Variants in MACROD2 observed in about 807,000 individuals in gnomAD.
MACROD2 encodes mono-ADP ribosylhydrolase 2.
MACROD2 carries 36 observed loss-of-function variants against 70.4 expected under a neutral mutation model. That is an observed-to-expected ratio of 0.51 (90% CI 0.39 to 0.68). MACROD2 has a LOEUF of 0.68. Ranked by LOEUF, MACROD2 falls within the 30% of genes least tolerant of loss-of-function variation. The pLI is 0.00. For missense variants in MACROD2, 496 were observed against 538.4 expected (o/e 0.92, Z 0.78); for synonymous variants, 172 against 178.8 (o/e 0.96, Z 0.30).
intron 7 of MACROD2, among the ~76,000 whole-genome samples, chr20:15,449,194 T>C (rs1303653414): frequency 3.3e-5 from 5 of 152,122 alleles, no homozygotes. Flanking sequence ...TAAATACTCA[T>C]GGCATTGAAA....
Position 14,754,123 on chromosome 20 carries a change from TA to T in MACROD2, c.418+69165del, listed in dbSNP as rs1175466564. 1.2e-3 allele frequency among the ~76,000 whole-genome samples: 185 copies of T among 152,248 alleles called. 3 individuals carry two copies. The highest frequency in any genetic ancestry group is 4.3e-4 in the Non-Finnish European group (29 of 68,022). ...TTATCACTATTTAATAAATGTTTTTTATATTTCTAGTTACCATGTTGTATGC... is the reference window on the plus strand; with the variant it reads ...TTATCACTATTTAATAAATGTTTTTTTATTTCTAGTTACCATGTTGTATGC... On this transcript the variant is annotated intron_variant, in intron 5 of 17. Transcript: ENST00000684519.
intron 5 of MACROD2, among the ~76,000 whole-genome samples, chr20:14,969,158 A>T (rs1223369712): frequency 6.8e-6 from 1 of 146,782 alleles, no homozygotes; most frequent in African/African-American, 2.7e-5. Flanking sequence ...ACCTATCTCC[A>T]GTTTATATAT....
chr20:15,059,032 C>T (rs762946117), intron 5 of MACROD2, among the ~76,000 whole-genome samples: 18 of 152,080 alleles, frequency 1.2e-4, no homozygotes, highest in Non-Finnish European at 2.5e-4. Context: ...AAGAATTTCC[C>T]CAAATTTAAA....
chr20:15,998,757 G>C (rs184292329), intron 15 of MACROD2, among the ~76,000 whole-genome samples: 22 of 151,464 alleles, frequency 1.5e-4, no homozygotes, highest in Admixed American at 1.2e-3. Context: ...GTACAGATAG[G>C]GTTTCACCGT....
chr20:14,933,278 T>A (rs1164255304), intron 5 of MACROD2, among the ~76,000 whole-genome samples: 1 of 152,236 alleles, frequency 6.6e-6, no homozygotes, highest in East Asian at 1.9e-4. Context: ...GACAAGAGGA[T>A]AGGAATGGGA....
intron 8 of MACROD2, among the ~76,000 whole-genome samples, chr20:15,789,528 C>T (rs2063606134): frequency 6.6e-6 from 1 of 151,814 alleles, no homozygotes; most frequent in Non-Finnish European, 1.5e-5. Context: ...AAAATGAGTT[C>T]CCAAAAATGA....
intron 5 of MACROD2, among the ~76,000 whole-genome samples, chr20:15,051,936 A>G (rs2075445305): frequency 2.0e-5 from 3 of 152,044 alleles, no homozygotes; most frequent in Admixed American, 1.3e-4. Flanking sequence ...TGTTTTTAGT[A>G]GAGACAGGGT....
Position 14,073,190 on chromosome 20 carries a change from G to T in MACROD2, c.164-12431G>T, listed in dbSNP as rs1181769254. On this transcript the variant is annotated intron_variant, in intron 2 of 17. Transcript: ENST00000684519. The stretch of plus-strand genomic sequence containing the variant: ...ATCTCTACTAAAAATACAAAAATTA[G>T]CCAGGCATGGTGGCGCATGCCTGTA... 4.6e-5 allele frequency among the ~76,000 whole-genome samples: 7 copies of T among 151,882 alleles called. No individual in the cohort carries two copies. In the East Asian group the frequency reaches 1.2e-3, roughly 25 times the overall value.
At chr20:14,187,369 G>A (rs948255894) in intron 3 of MACROD2, among the ~76,000 whole-genome samples, 2 of 152,050 alleles carry the variant, frequency 1.3e-5, no homozygotes, top group African/African-American at 4.8e-5. Flanking sequence ...AAATTATCAA[G>A]GGTAATAATA....
intron 5 of MACROD2, among the ~76,000 whole-genome samples, chr20:15,103,931 A>T (rs1179673837): frequency 1.3e-5 from 2 of 152,086 alleles, no homozygotes; most frequent in African/African-American, 4.8e-5. Context: ...CCTGGGGCAA[A>T]GGGAGAGAAA....
At chr20:14,868,778 C>G (rs575749130) in intron 5 of MACROD2, among the ~76,000 whole-genome samples, 1 of 152,104 alleles carries the variant, frequency 6.6e-6, no homozygotes, top group Non-Finnish European at 1.5e-5. Context: ...ATCATGGTTA[C>G]AGGCAGTGTG....
At chr20:15,944,416 G>GT (rs1298476757) in intron 12 of MACROD2, among the ~76,000 whole-genome samples, 2 of 145,104 alleles carry the variant, frequency 1.4e-5, no homozygotes, top group East Asian at 2.0e-4. Context: ...TATGGAAGGG[G>GT]TTTTTTTAGG....
intron 3 of MACROD2, among the ~76,000 whole-genome samples, chr20:14,334,782 G>A (rs1295861949): frequency 7.1e-6 from 1 of 141,792 alleles, no homozygotes; most frequent in African/African-American, 2.6e-5. Context: ...GATTTAAACA[G>A]TTATTTCTAA....
chr20:14,204,773 A>G (rs2081509391), intron 3 of MACROD2, among the ~76,000 whole-genome samples: 1 of 152,212 alleles, frequency 6.6e-6, no homozygotes, highest in African/African-American at 2.4e-5. Flanking sequence ...GCTTTATTCA[A>G]AATGGGGTTA....
At chr20:14,718,900 GC>G (rs1240131787) in intron 5 of MACROD2, among the ~76,000 whole-genome samples, 1 of 152,118 alleles carries the variant, frequency 6.6e-6, no homozygotes, top group Non-Finnish European at 1.5e-5. Context: ...AGAAAAGGCA[GC>G]CTCCTGTATA....
At chr20:16,041,173 C>T (rs373385414) in intron 15 of MACROD2, 28 bp from the exon 16 acceptor site, 1 of 1,594,346 alleles carries the variant, frequency 6.3e-7, no homozygotes, top group Non-Finnish European at 8.6e-7. Context: ...CTCTATTCAT[C>T]AGGGACTGTG....
intron 3 of MACROD2, among the ~76,000 whole-genome samples, chr20:14,180,136 A>G (rs2081294266): frequency 6.6e-6 from 1 of 152,102 alleles, no homozygotes; most frequent in African/African-American, 2.4e-5. Context: ...TATGGATCAA[A>G]TTAGAAATTG....
chr20:14,945,755 A>C (rs1269621441), intron 5 of MACROD2, among the ~76,000 whole-genome samples: 1 of 152,158 alleles, frequency 6.6e-6, no homozygotes, highest in Non-Finnish European at 1.5e-5. Context: ...GCATGGAATG[A>C]TCCCTTAAAG....
chr20:15,845,960 C>T (rs980965630), intron 8 of MACROD2, among the ~76,000 whole-genome samples: 1 of 152,312 alleles, frequency 6.6e-6, no homozygotes, highest in Admixed American at 6.5e-5. Context: ...AACAGAACAC[C>T]TCTTTTTAAG....
Sources: gnomAD v4.1 joint callset for allele counts (sites outside exome capture counted in the v4.1 genomes callset) on GRCh38, gnomAD v4.1.1 for gene constraint, MANE v1.5 for transcripts, NCBI Gene and HGNC (gene_info 2026-07-23, HGNC 2026-07-21) for gene names.